The following VPS53 variants were observed in gnomAD, a reference collection of about 807,000 sequenced individuals.
The protein encoded by VPS53 is vacuolar protein sorting-associated protein 53 homolog.
VPS53 carries 70 observed loss-of-function variants against 107.0 expected under a neutral mutation model. That is an observed-to-expected ratio of 0.65 (90% CI 0.54 to 0.80). VPS53 has a LOEUF of 0.80. Among genes scored for constraint, VPS53 ranks in the 30% least tolerant of loss-of-function variants. The pLI, the probability that VPS53 is intolerant of heterozygous loss-of-function variation, is 0.00. For missense variants in VPS53, 917 were observed against 1,049.4 expected (o/e 0.87, Z 1.74); for synonymous variants, 409 against 393.3 (o/e 1.04, Z -0.47).
intron 2 of VPS53, among the ~76,000 whole-genome samples, chr17:700,833 G>A (rs1015175991): frequency 6.6e-5 from 10 of 152,112 alleles, no homozygotes; most frequent in Non-Finnish European, 4.4e-5. Flanking sequence ...GATATTGTAG[G>A]AAATATGCTT....
At chr17:661,604 G>A (rs998488424) in intron 5 of VPS53, among the ~76,000 whole-genome samples, 2 of 152,018 alleles carry the variant, frequency 1.3e-5, no homozygotes, top group African/African-American at 4.8e-5. Flanking sequence ...GCAAACACAG[G>A]GCAGCAGAGA....
chr17:643,975 A>T lies in VPS53; in HGVS notation c.608+9316T>A, dbSNP rs180738856. 1.1e-4 allele frequency among the ~76,000 whole-genome samples: 16 copies of T among 152,284 alleles called. No individual in the cohort carries two copies. In the East Asian group the frequency reaches 3.1e-3, roughly 29 times the overall value. ...CCTGCCAAGCCTTTCTCACATTTAT[A>T]AGAGGTTAGAAATGGCTGTGAAAAA... On this transcript the variant is annotated intron_variant, in intron 7 of 21. Transcript: ENST00000437048.
At chr17:604,094 A>T (rs1968449291) in intron 11 of VPS53, among the ~76,000 whole-genome samples, 1 of 152,196 alleles carries the variant, frequency 6.6e-6, no homozygotes, top group Non-Finnish European at 1.5e-5. Flanking sequence ...AATGCCCCTC[A>T]TCTATTGCTA....
chr17:575,363 A>G (rs775777814), intron 13 of VPS53, among the ~76,000 whole-genome samples: 1 of 152,210 alleles, frequency 6.6e-6, no homozygotes, highest in Non-Finnish European at 1.5e-5. Flanking sequence ...AAGCATTAAA[A>G]ACAAGGGGAG....
At chr17:686,239 G>A (rs2143824456) in intron 4 of VPS53, among the ~76,000 whole-genome samples, 1 of 152,174 alleles carries the variant, frequency 6.6e-6, no homozygotes, top group East Asian at 1.9e-4. Flanking sequence ...AGGATCACGT[G>A]AGCCCAGGAG....
In VPS53 at chr17:519,305, T is replaced by A; in HGVS notation, c.2329-7A>T. ...GCTCACTCCTCTTCAGCCCCTGAGG[T>A]TGAGAGAGAAACAGAACCGTCACGA... On this transcript the variant is annotated splice_region_variant and splice_polypyrimidine_tract_variant and intron_variant, in intron 21 of 21. Coordinates refer to ENST00000437048, the MANE Select transcript of VPS53 (RefSeq NM_001128159.3). The surrounding 1 kb of genome is among the most constrained non-coding windows in gnomAD (Gnocchi z 5.0). The A allele has an allele frequency of 6.8e-7, 1 of 1,469,976 alleles. No individual in the cohort carries two copies. The highest frequency in any genetic ancestry group is 9.0e-7 in the Non-Finnish European group (1 of 1,109,278). The allele number at this position is 1,469,976 out of a possible 1,614,324, so 91.1% of individuals were successfully genotyped here. A position where few individuals can be genotyped will look rare whatever the true frequency, so the allele number is the denominator to read the frequency against.
Position 523,090 on chromosome 17 carries a change from T to C in VPS53, c.2086-1352A>G, listed in dbSNP as rs76028167. On this transcript the variant is annotated intron_variant, in intron 19 of 21. Coordinates refer to ENST00000437048, the MANE Select transcript of VPS53 (RefSeq NM_001128159.3). Reference sequence around the variant, plus strand: ...GTTAGACAAAAGGTGGAAGGGAAGCTGGAATTCCATTTCCGGTTGCCCAGG... The same window carrying C: ...GTTAGACAAAAGGTGGAAGGGAAGCCGGAATTCCATTTCCGGTTGCCCAGG... 559 of 152,564 alleles carry C rather than the reference T, an allele frequency of 3.7e-3. 8 individuals carry two copies. The East Asian group carries it at 0.046, about 13-fold the overall frequency. 9.5% of individuals were successfully genotyped at this position (152,564 alleles called of 1,614,324 possible).
At chr17:554,512 T>C (rs1597290850) in intron 15 of VPS53, among the ~76,000 whole-genome samples, 2 of 152,178 alleles carry the variant, frequency 1.3e-5, no homozygotes, top group East Asian at 3.8e-4. Context: ...TAAGTGATTC[T>C]CCTGCCTCAG....
intron 4 of VPS53, among the ~76,000 whole-genome samples, chr17:685,609 T>C (rs1168334509): frequency 6.6e-6 from 1 of 152,178 alleles, no homozygotes; most frequent in Non-Finnish European, 1.5e-5. Flanking sequence ...TTACATGTAT[T>C]AATAAATTTT....
intron 4 of VPS53, among the ~76,000 whole-genome samples, chr17:678,825 G>A (rs1972267851): frequency 6.6e-6 from 1 of 151,970 alleles, no homozygotes; most frequent in Admixed American, 6.5e-5. Context: ...ATTTTTAGTA[G>A]AGACGGGGTT....
chr17:654,766 AAGAC>A (rs1466635999), intron 6 of VPS53, among the ~76,000 whole-genome samples: 4 of 151,978 alleles, frequency 2.6e-5, no homozygotes, highest in African/African-American at 9.6e-5. Flanking sequence ...AAAAAAGAAA[AAGAC>A]AGGATCAAGT....
Position 672,174 on chromosome 17 carries a change from AATCTCT to A in VPS53, c.286-10285_286-10280del, listed in dbSNP as rs1468867651. Among the ~76,000 whole-genome samples, 391 of 40,256 alleles carry A rather than the reference AATCTCT, an allele frequency of 9.7e-3. 3 individuals are homozygous for A. Among genetic ancestry groups the A allele is most frequent in the African/African-American group, 0.031 (360 of 11,696 alleles). 26.4% of individuals were successfully genotyped at this position (40,256 alleles called of 152,430 possible). On this transcript the variant is annotated intron_variant, in intron 4 of 21. Coordinates refer to ENST00000437048, the MANE Select transcript of VPS53 (RefSeq NM_001128159.3). ...CACAATCTCTCTCTCACACAATCTC[AATCTCT>A]CTCTCTCTCTCTCTCTCTCTCTCTC...
At chr17:658,736 C>A (rs1402545316) in intron 5 of VPS53, among the ~76,000 whole-genome samples, 10 of 115,190 alleles carry the variant, frequency 8.7e-5, no homozygotes, top group East Asian at 7.7e-4. Flanking sequence ...TGAAGTGAGA[C>A]ACTCGGCCGT....
At chr17:569,243 C>T (rs941815288) in intron 13 of VPS53, among the ~76,000 whole-genome samples, 8 of 152,118 alleles carry the variant, frequency 5.3e-5, no homozygotes, top group African/African-American at 9.7e-5. Context: ...AAAATAACAA[C>T]GACAAATCCT....
At chr17:527,129 GCTGC>G (rs1909179417) in intron 19 of VPS53, among the ~76,000 whole-genome samples, 1 of 152,214 alleles carries the variant, frequency 6.6e-6, no homozygotes, top group African/African-American at 2.4e-5. Context: ...TGCACATCCT[GCTGC>G]CTAACGGAAG....
rs538198244 is a variant in VPS53 at position 518,918 on chromosome 17, C to T, written c.*210G>A. Reference sequence around the variant, plus strand: ...TTCACGAACCAGAGATCACCTAAATCGCCCTCTTAGAGCCCAGCCCTTACT... The same window carrying T: ...TTCACGAACCAGAGATCACCTAAATTGCCCTCTTAGAGCCCAGCCCTTACT... On this transcript the variant is annotated 3_prime_UTR_variant, in exon 22 of 22. Coordinates refer to ENST00000437048, the MANE Select transcript of VPS53 (RefSeq NM_001128159.3). 1.2e-5 allele frequency: 6 copies of T among 486,470 alleles called. No homozygotes were observed. The highest frequency in any genetic ancestry group is 3.9e-5 in the African/African-American group (2 of 50,672). The allele number at this position is 486,470 out of a possible 1,614,324, so 30.1% of individuals were successfully genotyped here. A position where few individuals can be genotyped will look rare whatever the true frequency, so the allele number is the denominator to read the frequency against.
intron 10 of VPS53, among the ~76,000 whole-genome samples, 195 bp from the exon 11 acceptor site, chr17:623,869 T>G (rs1298020760): frequency 6.6e-6 from 1 of 152,116 alleles, no homozygotes; most frequent in African/African-American, 2.4e-5. Context: ...TAAGGTGAAA[T>G]TATCCACCAG....
intron 2 of VPS53, among the ~76,000 whole-genome samples, chr17:709,121 C>T (rs1973533260): frequency 6.6e-6 from 1 of 152,110 alleles, no homozygotes; most frequent in Non-Finnish European, 1.5e-5. Context: ...CCGTTAAGCC[C>T]CTTTATTTAA....
At chr17:603,283 G>C (rs1292283136) in intron 11 of VPS53, among the ~76,000 whole-genome samples, 1 of 152,104 alleles carries the variant, frequency 6.6e-6, no homozygotes, top group Non-Finnish European at 1.5e-5. Flanking sequence ...AATTAGCAGC[G>C]TGGTGGTAGG....
Sources: gnomAD v4.1 joint callset for allele counts (sites outside exome capture counted in the v4.1 genomes callset) on GRCh38, gnomAD v4.1.1 for gene constraint, Gnocchi (gnomAD v3.1) non-coding constraint, MANE v1.5 for transcripts, NCBI Gene and HGNC (gene_info 2026-07-23, HGNC 2026-07-21) for gene names.